SOX6: variants seen among roughly 807,000 people sequenced by gnomAD.
SOX6 encodes SRY-box transcription factor 6, also known as transcription factor SOX-6.
A neutral mutation model predicts 97.8 loss-of-function variants in SOX6; 11 were observed. The ratio of observed to expected loss-of-function variants is 0.11; its 90% CI spans 0.07 to 0.19. The LOEUF (loss-of-function observed/expected upper bound fraction) is 0.19. Among genes scored for constraint, SOX6 ranks in the 10% least tolerant of loss-of-function variants. The pLI is 1.00. For synonymous variants in SOX6, 360 were observed against 371.4 expected, an observed-to-expected ratio of 0.97 and a Z score of 0.35; for missense variants, 810 against 1,039.5, an observed-to-expected ratio of 0.78 and a Z score of 3.04.
chr11:16,082,736 G>A (rs1848497981), intron 9 of SOX6, among the ~76,000 whole-genome samples: 1 of 152,106 alleles, frequency 6.6e-6, no homozygotes, highest in Non-Finnish European at 1.5e-5. Flanking sequence ...ATCAAATTAA[G>A]AGGAATATCA....
At chr11:16,175,137 C>T (rs536674607) in intron 6 of SOX6, among the ~76,000 whole-genome samples, 36 of 152,014 alleles carry the variant, frequency 2.4e-4, no homozygotes, top group African/African-American at 8.4e-4. Context: ...TCTATATTCA[C>T]ATCACTAATT....
chr11:16,569,110 A>G (rs1386227637), intron 4 of SOX6, among the ~76,000 whole-genome samples: 1 of 152,232 alleles, frequency 6.6e-6, no homozygotes, highest in Admixed American at 6.5e-5. Context: ...TTTTACACCA[A>G]TAAATTCCAA....
intron 1 of SOX6, among the ~76,000 whole-genome samples, chr11:16,389,969 T>TAAA (rs536056301): frequency 0.017 from 691 of 41,828 alleles, 59 homozygotes; most frequent in South Asian, 0.036. Flanking sequence ...GACTCCGTCT[T>TAAA]AAAAAAAAAA....
intron 2 of SOX6, among the ~76,000 whole-genome samples, chr11:16,324,453 A>G (rs1286215350): frequency 2.0e-5 from 3 of 152,184 alleles, no homozygotes; most frequent in East Asian, 3.8e-4. Context: ...GATTTTATCT[A>G]TATGATGAAA....
At chr11:16,519,139 G>C (rs771327155) in intron 4 of SOX6, among the ~76,000 whole-genome samples, 1 of 152,138 alleles carries the variant, frequency 6.6e-6, no homozygotes, top group Non-Finnish European at 1.5e-5. Flanking sequence ...TTTTGAGAAA[G>C]TGGAGATCAA....
chr11:16,094,855 T>C (rs891700943), intron 9 of SOX6, among the ~76,000 whole-genome samples: 1 of 151,902 alleles, frequency 6.6e-6, no homozygotes, highest in Non-Finnish European at 1.5e-5. Context: ...GGGAGGCAGT[T>C]AACAAGCTCT....
intron 4 of SOX6, among the ~76,000 whole-genome samples, chr11:16,516,599 A>G (rs1248540101): frequency 1.3e-5 from 2 of 151,902 alleles, no homozygotes; most frequent in Non-Finnish European, 2.9e-5. Context: ...AAATTCCTCG[A>G]CACATACACT....
intron 3 of SOX6, among the ~76,000 whole-genome samples, chr11:16,241,506 T>C (rs1038618313): frequency 1.3e-5 from 2 of 152,096 alleles, no homozygotes; most frequent in Non-Finnish European, 2.9e-5. Flanking sequence ...TACTTCACTT[T>C]TTTAAAACTG....
intron 6 of SOX6, among the ~76,000 whole-genome samples, chr11:16,147,771 G>A (rs564671641): frequency 1.3e-4 from 20 of 152,258 alleles, no homozygotes; most frequent in Non-Finnish European, 2.2e-4. Flanking sequence ...GCACCCTGAA[G>A]AGCACAGCCA....
chr11:16,120,746 A>C (rs1295979326), intron 6 of SOX6, among the ~76,000 whole-genome samples: 2 of 152,144 alleles, frequency 1.3e-5, no homozygotes, highest in Non-Finnish European at 2.9e-5. Flanking sequence ...TTATCTTGTC[A>C]CTAGTTTTAC....
At chr11:16,282,373 TAGTTA>T (rs1565068014) in intron 3 of SOX6, among the ~76,000 whole-genome samples, 1 of 151,604 alleles carries the variant, frequency 6.6e-6, no homozygotes, top group African/African-American at 2.4e-5. Context: ...ATCAAGAAAG[TAGTTA>T]AGTTTTCTGG....
intron 6 of SOX6, among the ~76,000 whole-genome samples, chr11:16,157,106 G>C (rs949249984): frequency 2.0e-5 from 3 of 151,944 alleles, no homozygotes; most frequent in African/African-American, 4.8e-5. Flanking sequence ...GTGGGAGTTT[G>C]CTTAAATTTC....
At chr11:16,318,371 A>AC in intron 3 of SOX6, 75 bp downstream of exon 3, 2 of 1,230,422 alleles carry the variant, frequency 1.6e-6, no homozygotes, top group South Asian at 2.5e-5. Flanking sequence ...TTGAAATCCC[A>AC]CTTTTTTTTT....
At chr11:16,707,972 T>C (rs1340393955) in intron 3 of SOX6, among the ~76,000 whole-genome samples, 2 of 152,096 alleles carry the variant, frequency 1.3e-5, no homozygotes, top group African/African-American at 4.8e-5. Flanking sequence ...GTCTATAATA[T>C]TCAGATAAGA....
chr11:16,679,363 T>C (rs183487063), intron 3 of SOX6, among the ~76,000 whole-genome samples: 33 of 152,212 alleles, frequency 2.2e-4, no homozygotes, highest in Non-Finnish European at 4.0e-4. Flanking sequence ...CAACAGACCT[T>C]CAGCTGATGG....
At chr11:16,359,882 C>G (rs1857165170), upstream of SOX6, among the ~76,000 whole-genome samples, 1 of 152,146 alleles carries the variant, frequency 6.6e-6, no homozygotes, top group African/African-American at 2.4e-5. Flanking sequence ...CTCAAAACAA[C>G]CCCACAACAA....
upstream of SOX6, among the ~76,000 whole-genome samples, chr11:16,479,461 C>T (rs1338225863): frequency 2.0e-5 from 3 of 150,068 alleles, no homozygotes; most frequent in South Asian, 4.2e-4. Context: ...ACCTGGGAGG[C>T]GGAGGTTACA....
At chr11:16,306,397 A>T (rs1194550751) in intron 3 of SOX6, among the ~76,000 whole-genome samples, 1 of 152,154 alleles carries the variant, frequency 6.6e-6, no homozygotes, top group Non-Finnish European at 1.5e-5. Context: ...AGAGGAGGAG[A>T]CATTCACAAG....
chr11:16,655,255 G>T (rs1847706339), intron 3 of SOX6, among the ~76,000 whole-genome samples: 1 of 152,092 alleles, frequency 6.6e-6, no homozygotes. Flanking sequence ...GGCTGGTAAA[G>T]GTAAGACACA....
Sources: allele counts gnomAD v4.1 joint callset (sites outside exome capture counted in the v4.1 genomes callset), GRCh38; gene constraint gnomAD v4.1.1; transcripts MANE v1.5; gene names NCBI Gene and HGNC (gene_info 2026-07-23, HGNC 2026-07-21).